MAP3K20: variants seen among roughly 807,000 people sequenced by gnomAD.
MAP3K20 encodes mitogen-activated protein kinase kinase kinase 20.
MAP3K20 carries 40 observed loss-of-function variants against 85.7 expected under a neutral mutation model. The ratio of observed to expected loss-of-function variants is 0.47; its 90% CI spans 0.36 to 0.61. The LOEUF (loss-of-function observed/expected upper bound fraction) is 0.61. MAP3K20 is among the 20% of genes least tolerant of loss of function. MAP3K20 has a pLI of 0.00. For synonymous variants in MAP3K20, 325 were observed against 327.7 expected (o/e 0.99, Z 0.09); for missense variants, 817 against 961.7 (o/e 0.85, Z 1.99).
At chr2:173,226,347 G>T in intron 11 of MAP3K20, 2 of 984,396 alleles carry the variant, frequency 2.0e-6, no homozygotes, top group Non-Finnish European at 1.2e-6. Flanking sequence ...AAAAATTATT[G>T]TACTAGACTT....
At chr2:173,144,679 C>G (rs1043578179) in intron 2 of MAP3K20, among the ~76,000 whole-genome samples, 1 of 151,962 alleles carries the variant, frequency 6.6e-6, no homozygotes, top group Non-Finnish European at 1.5e-5. Context: ...GCTTGGGTGA[C>G]AGAGCAAGAC....
chr2:173,105,296 G>A (rs1687752770), intron 2 of MAP3K20, among the ~76,000 whole-genome samples: 1 of 152,152 alleles, frequency 6.6e-6, no homozygotes, highest in Non-Finnish European at 1.5e-5. Flanking sequence ...TTGGGGTAGA[G>A]TTAACCAGAT....
chr2:173,155,711 G>GACTGGGC (rs1320571478), intron 2 of MAP3K20, among the ~76,000 whole-genome samples: 1 of 152,172 alleles, frequency 6.6e-6, no homozygotes, highest in African/African-American at 2.4e-5. Context: ...GTAGCATGGG[G>GACTGGGC]ACTGGAACTT....
intron 2 of MAP3K20, among the ~76,000 whole-genome samples, chr2:173,094,037 C>G (rs1267059593): frequency 4.0e-4 from 57 of 142,506 alleles, no homozygotes; most frequent in Middle Eastern, 3.5e-3. Flanking sequence ...ATACCTAATG[C>G]TAGATGACGA....
chr2:173,222,263 A>T, intron 11 of MAP3K20: 1 of 985,914 alleles, frequency 1.0e-6, no homozygotes, highest in Non-Finnish European at 1.2e-6. Context: ...TACTGAGATG[A>T]TCTAAGAAGG....
At chr2:173,147,564 A>G (rs933197380) in intron 2 of MAP3K20, among the ~76,000 whole-genome samples, 5 of 152,150 alleles carry the variant, frequency 3.3e-5, no homozygotes, top group African/African-American at 7.2e-5. Context: ...TTTTGACTCA[A>G]AATAGTATAC....
chr2:173,242,592 GTAA>G (rs777026643), intron 16 of MAP3K20, among the ~76,000 whole-genome samples: 155 of 151,764 alleles, frequency 1.0e-3, no homozygotes, highest in Non-Finnish European at 1.8e-3. Context: ...TCTGTTTTTG[GTAA>G]TAATGATGTA....
At chr2:173,172,752 AG>A (rs1690035626) in intron 3 of MAP3K20, among the ~76,000 whole-genome samples, 1 of 152,094 alleles carries the variant, frequency 6.6e-6, no homozygotes, top group African/African-American at 2.4e-5. Flanking sequence ...AGAAACTCAG[AG>A]TCCAAAGCCG....
chr2:173,094,541 A>C (rs868233950), intron 2 of MAP3K20, among the ~76,000 whole-genome samples: 1 of 152,198 alleles, frequency 6.6e-6, no homozygotes, highest in African/African-American at 2.4e-5. Context: ...TATAATCGAC[A>C]TGTCTGTTTA....
intron 1 of MAP3K20, 161 bp from the exon 2 acceptor site, chr2:173,090,837 G>A (rs935068451): frequency 1.5e-6 from 2 of 1,292,248 alleles, no homozygotes; most frequent in Non-Finnish European, 2.0e-6. Context: ...CAGGGTGAGT[G>A]TTTTCGAATT....
chr2:173,227,125 C>T (rs1356366462), intron 11 of MAP3K20: 10 of 985,686 alleles, frequency 1.0e-5, no homozygotes, highest in Non-Finnish European at 1.2e-5. Flanking sequence ...CTCCATTTTG[C>T]AATAAACGTT....
intron 2 of MAP3K20, among the ~76,000 whole-genome samples, chr2:173,114,062 G>C (rs1195380966): frequency 6.6e-6 from 1 of 152,040 alleles, no homozygotes. Flanking sequence ...TTATAAATTT[G>C]GGTGCTCCAG....
intron 7 of MAP3K20, among the ~76,000 whole-genome samples, chr2:173,195,332 C>T (rs1690795110): frequency 6.6e-6 from 1 of 152,082 alleles, no homozygotes; most frequent in African/African-American, 2.4e-5. Flanking sequence ...AGCACTGTTC[C>T]AGAACAAGCT....
chr2:173,222,197 T>A, intron 11 of MAP3K20: 1 of 971,668 alleles, frequency 1.0e-6, no homozygotes, highest in Non-Finnish European at 1.2e-6. Context: ...GAGAACAAGA[T>A]CCTGTCTCAA....
intron 9 of MAP3K20, among the ~76,000 whole-genome samples, chr2:173,208,889 T>C (rs978146774): frequency 1.3e-5 from 2 of 152,248 alleles, no homozygotes; most frequent in Non-Finnish European, 2.9e-5. Context: ...GTTTTAACCT[T>C]TTGTCTCAAC....
intron 9 of MAP3K20, among the ~76,000 whole-genome samples, chr2:173,204,401 C>T (rs1029027664): frequency 6.6e-5 from 10 of 152,182 alleles, no homozygotes; most frequent in African/African-American, 2.4e-4. Flanking sequence ...TTAACCACTG[C>T]ACTATTTTGC....
At chr2:173,192,413 G>A (rs1349260459) in intron 7 of MAP3K20, among the ~76,000 whole-genome samples, 1 of 151,868 alleles carries the variant, frequency 6.6e-6, no homozygotes, top group South Asian at 2.1e-4. Flanking sequence ...GTTAGCTATT[G>A]AAAAAATCAT....
chr2:173,218,956 A>G (rs984685135), intron 11 of MAP3K20, among the ~76,000 whole-genome samples: 7 of 152,206 alleles, frequency 4.6e-5, no homozygotes, highest in Non-Finnish European at 7.4e-5. Context: ...GCTACCGTCT[A>G]ACAATGGACA....
intron 17 of MAP3K20, among the ~76,000 whole-genome samples, chr2:173,260,326 C>CCACT (rs1685259182): frequency 6.6e-6 from 1 of 152,166 alleles, no homozygotes; most frequent in African/African-American, 2.4e-5. Flanking sequence ...CAAGATCGCA[C>CCACT]CACTGCACTC....
Sources: gnomAD v4.1 joint callset for allele counts (sites outside exome capture counted in the v4.1 genomes callset) on GRCh38, gnomAD v4.1.1 for gene constraint, MANE v1.5 for transcripts, NCBI Gene and HGNC (gene_info 2026-07-23, HGNC 2026-07-21) for gene names.